MYO16: variants seen among roughly 807,000 people sequenced by gnomAD.
The protein encoded by MYO16 is unconventional myosin-XVI.
Under a neutral mutation model 205.3 loss-of-function variants are expected in MYO16, and 94 were observed. That is an observed-to-expected ratio of 0.46 (90% CI 0.39 to 0.54). The LOEUF is 0.54. MYO16 is among the 20% of genes least tolerant of loss of function. The probability of loss-of-function intolerance (pLI) is 0.00; values close to 1 mark genes in which losing one functional copy is unlikely to be tolerated. For missense variants in MYO16, 2,315 were observed against 2,387.5 expected, an observed-to-expected ratio of 0.97 and a Z score of 0.63; for synonymous variants, 988 against 954.0, an observed-to-expected ratio of 1.04 and a Z score of -0.66.
At chr13:108,844,130 A>AT (rs1877387649) in intron 9 of MYO16, among the ~76,000 whole-genome samples, 2 of 152,014 alleles carry the variant, frequency 1.3e-5, no homozygotes, top group African/African-American at 2.4e-5. Flanking sequence ...ATAAGTATAT[A>AT]CTTTTTTCTT....
chr13:108,956,449 C>G (rs751051896), intron 16 of MYO16, among the ~76,000 whole-genome samples: 3 of 152,134 alleles, frequency 2.0e-5, no homozygotes, highest in Admixed American at 6.5e-5. Flanking sequence ...TTCCAAGGCG[C>G]CAACATGATC....
intron 7 of MYO16, among the ~76,000 whole-genome samples, chr13:108,807,902 A>G (rs887219396): frequency 2.6e-5 from 4 of 152,248 alleles, no homozygotes; most frequent in African/African-American, 9.6e-5. Flanking sequence ...TTATTTTCAC[A>G]TGAAACCCAC....
chr13:108,551,569 G>T, the MYO16 span, among the ~76,000 whole-genome samples: 2 of 151,998 alleles, frequency 1.3e-5, no homozygotes, highest in Non-Finnish European at 2.9e-5. Flanking sequence ...TGTATCTCTA[G>T]AATGCCTCCT....
chr13:108,503,453 T>G, the MYO16 span, among the ~76,000 whole-genome samples: 18 of 152,178 alleles, frequency 1.2e-4, no homozygotes, highest in Admixed American at 1.2e-3. Flanking sequence ...AAGTTTTTTT[T>G]TTTTAAATAA....
chr13:109,154,912 A>G (rs1039072245), intron 32 of MYO16, among the ~76,000 whole-genome samples: 11 of 23,658 alleles, frequency 4.6e-4, no homozygotes, highest in East Asian at 1.6e-3. Flanking sequence ...GCTAATTATG[A>G]AAAAAAAAAA....
chr13:108,763,672 G>A (rs1447602634), intron 4 of MYO16, among the ~76,000 whole-genome samples: 1 of 152,126 alleles, frequency 6.6e-6, no homozygotes, highest in Admixed American at 6.6e-5. Flanking sequence ...CTTTTTGTGT[G>A]AGAGGGCCAC....
At chr13:109,133,072 G>A (rs890661693) in intron 31 of MYO16, among the ~76,000 whole-genome samples, 14 of 152,164 alleles carry the variant, frequency 9.2e-5, no homozygotes, top group Admixed American at 2.0e-4. Context: ...TGCCTGAACC[G>A]CTCCTCCCAC....
intron 27 of MYO16, among the ~76,000 whole-genome samples, chr13:109,058,220 G>C (rs890883152): frequency 1.2e-4 from 18 of 152,038 alleles, no homozygotes; most frequent in African/African-American, 4.1e-4. Flanking sequence ...GTTTTGTTTT[G>C]CTTCCCCCCA....
chr13:108,791,452 T>C (rs1886612882), intron 5 of MYO16, among the ~76,000 whole-genome samples: 1 of 152,244 alleles, frequency 6.6e-6, no homozygotes, highest in South Asian at 2.1e-4. Context: ...GAAAGCTAAA[T>C]ACATATTATA....
At chr13:108,922,368 G>A (rs1290693157) in intron 16 of MYO16, among the ~76,000 whole-genome samples, 2 of 152,114 alleles carry the variant, frequency 1.3e-5, no homozygotes, top group Non-Finnish European at 2.9e-5. Flanking sequence ...CATGGCACAG[G>A]GACAGAGAGG....
At chr13:108,918,104 A>G (rs567549445) in intron 16 of MYO16, among the ~76,000 whole-genome samples, 89 of 152,252 alleles carry the variant, frequency 5.8e-4, no homozygotes, top group Non-Finnish European at 1.1e-3. Flanking sequence ...AATTTGCATC[A>G]CAGATAAATT....
At chr13:108,639,823 T>C (rs1035430546) in intron 1 of MYO16, among the ~76,000 whole-genome samples, 2 of 152,178 alleles carry the variant, frequency 1.3e-5, no homozygotes, top group African/African-American at 4.8e-5. Context: ...CTGGATGAAT[T>C]TGAAAAAGAC....
intron 2 of MYO16, among the ~76,000 whole-genome samples, chr13:108,669,091 C>T (rs1327161350): frequency 2.0e-5 from 3 of 151,924 alleles, no homozygotes; most frequent in South Asian, 2.1e-4. Flanking sequence ...GTTGAAGTGA[C>T]GTAGAGAAAG....
rs937373142 is a variant in MYO16 at position 108,751,208 on chromosome 13, C to T, written c.507+23625C>T. Among the ~76,000 whole-genome samples the T allele has an allele frequency of 2.6e-5, 4 of 152,098 alleles. No homozygotes were observed. The East Asian group carries it at 5.8e-4, about 22-fold the overall frequency. ...ATTCTCCAATTAAAAAACAAACAAA[C>T]AAAAACAGGGATTTTTGGAGAAACG... On this transcript the variant is annotated intron_variant, in intron 4 of 34. Coordinates refer to ENST00000457511, the MANE Select transcript of MYO16 (RefSeq NM_001198950.3).
intron 34 of MYO16, among the ~76,000 whole-genome samples, chr13:109,188,076 T>C (rs1335456450): frequency 6.6e-6 from 1 of 152,242 alleles, no homozygotes; most frequent in Non-Finnish European, 1.5e-5. Context: ...GGTGAAGATC[T>C]ATTCATCATT....
chr13:108,782,791 T>C (rs977822833), intron 4 of MYO16, among the ~76,000 whole-genome samples: 4 of 152,210 alleles, frequency 2.6e-5, no homozygotes, highest in African/African-American at 7.2e-5. Flanking sequence ...GGGCCATGGC[T>C]TCAGAGGGTG....
chr13:108,697,242 C>T (rs557979855), intron 2 of MYO16, among the ~76,000 whole-genome samples: 2 of 152,288 alleles, frequency 1.3e-5, no homozygotes, highest in African/African-American at 4.8e-5. Flanking sequence ...ATGTTCAGTA[C>T]ACTATCCATG....
chr13:108,637,418 A>G (rs188392496), intron 1 of MYO16, among the ~76,000 whole-genome samples: 1 of 152,360 alleles, frequency 6.6e-6, no homozygotes, highest in East Asian at 1.9e-4. Context: ...AGATATAAAC[A>G]TGCCACAGTA....
chr13:108,773,804 C>T (rs1250420217), intron 4 of MYO16, among the ~76,000 whole-genome samples: 2 of 146,204 alleles, frequency 1.4e-5, no homozygotes, highest in African/African-American at 4.9e-5. Context: ...TAAAAAGTTA[C>T]CAAAATGTGT....
Sources: gnomAD v4.1 joint callset for allele counts (sites outside exome capture counted in the v4.1 genomes callset) on GRCh38, gnomAD v4.1.1 for gene constraint, MANE v1.5 for transcripts, NCBI Gene and HGNC (gene_info 2026-07-23, HGNC 2026-07-21) for gene names.